The following ACOT11 variants were observed in gnomAD, a reference collection of about 807,000 sequenced individuals.
The protein encoded by ACOT11 is acyl-coenzyme A thioesterase 11.
ACOT11 carries 69 observed loss-of-function variants against 77.5 expected under a neutral mutation model. The ratio of observed to expected loss-of-function variants is 0.89; its 90% CI spans 0.73 to 1.09. The LOEUF is 1.09. ACOT11 is among the 50% of genes least tolerant of loss of function. The pLI, the probability that ACOT11 is intolerant of heterozygous loss-of-function variation, is 0.00. For synonymous variants in ACOT11, 279 were observed against 313.0 expected (o/e 0.89, Z 1.15); for missense variants, 766 against 813.7 (o/e 0.94, Z 0.71).
Position 54,607,911 on chromosome 1 carries a change from C to T in ACOT11, c.1503-31C>T, listed in dbSNP as rs1461813066. 3.1e-6 allele frequency: 5 copies of T among 1,613,144 alleles called. No homozygotes were observed. The highest frequency in any genetic ancestry group is 1.7e-4 in the Middle Eastern group (1 of 6,044). Reference sequence around the variant, plus strand: ...CCCCCACTTTCTTCTGTGGCTGACCCCTGTCCCCTTGCTACCCTTCCTTCA... The same window carrying T: ...CCCCCACTTTCTTCTGTGGCTGACCTCTGTCCCCTTGCTACCCTTCCTTCA... On this transcript the variant is annotated intron_variant, in intron 14 of 15. Coordinates refer to ENST00000343744, the MANE Select transcript of ACOT11 (RefSeq NM_147161.4). The surrounding 1 kb of genome is among the most constrained non-coding windows in gnomAD (Gnocchi z 4.5).
chr1:54,594,692 G>A lies in ACOT11; in HGVS notation c.607+1G>A. On this transcript the variant is annotated splice_donor_variant, in intron 6 of 15. Coordinates refer to ENST00000343744, the MANE Select transcript of ACOT11 (RefSeq NM_147161.4). LOFTEE classifies it high-confidence loss of function. ...CTGGCCAACTGCGCCATTCAGGGCG[G>A]TGAGCAGCTGCCAGCTGTGCATGGG... The A allele has an allele frequency of 6.2e-7, 1 of 1,608,628 alleles. No homozygotes were observed.
At chr1:54,624,642 G>A (rs532838652) in intron 15 of ACOT11, among the ~76,000 whole-genome samples, 10 of 152,248 alleles carry the variant, frequency 6.6e-5, no homozygotes, top group African/African-American at 2.4e-4. Context: ...GGGCGGTGAG[G>A]GGTGTCAATG....
At chr1:54,586,598 A>AT (rs1322813159) in intron 3 of ACOT11, among the ~76,000 whole-genome samples, 3 of 151,684 alleles carry the variant, frequency 2.0e-5, no homozygotes, top group Non-Finnish European at 4.4e-5. Context: ...GGCCCGGCTA[A>AT]TTTTTTTGTA....
chr1:54,581,846 A>C (rs1230159204), intron 1 of ACOT11, among the ~76,000 whole-genome samples: 1 of 152,146 alleles, frequency 6.6e-6, no homozygotes, highest in African/African-American at 2.4e-5. Flanking sequence ...TGGGCTGCAC[A>C]CACCCCTGCC....
chr1:54,557,099 A>AT (rs1013094207), intron 1 of ACOT11, among the ~76,000 whole-genome samples: 1 of 151,640 alleles, frequency 6.6e-6, no homozygotes, highest in Non-Finnish European at 1.5e-5. Flanking sequence ...ATTAAAAAAA[A>AT]TTTTTATACT....
chr1:54,606,231 G>A (rs1644024494), intron 13 of ACOT11, among the ~76,000 whole-genome samples: 1 of 152,190 alleles, frequency 6.6e-6, no homozygotes, highest in Non-Finnish European at 1.5e-5. Context: ...TGTAGGGGGA[G>A]GGCGGTTGTG....
In ACOT11 at chr1:54,594,576, G is replaced by A. The variant is rs138128439; in HGVS notation, c.492G>A (p.Thr164=). 23 of 1,613,712 alleles carry A rather than the reference G, an allele frequency of 1.4e-5. No homozygotes were observed. Among genetic ancestry groups the A allele is most frequent in the African/African-American group, 8.0e-5 (6 of 74,938 alleles). ...GACAGGTGAAGCTGAAGCAGATCACGCCGCGGACAGAAGAGGAGAAGATGG... is the reference window on the plus strand; with the variant it reads ...GACAGGTGAAGCTGAAGCAGATCACACCGCGGACAGAAGAGGAGAAGATGG... ...EITKVKLKQI[T]PRTEEEKMEH... Residue 164 remains threonine, a synonymous_variant, in exon 6 of 16, where the codon ACG becomes ACA. Transcript: ENST00000343744.
In ACOT11 at chr1:54,594,008, C is replaced by T; in HGVS notation, c.440C>T (p.Ala147Val). 1 of 1,614,086 alleles carries T rather than the reference C, an allele frequency of 6.2e-7. No individual in the cohort carries two copies. Among genetic ancestry groups the T allele is most frequent in the Non-Finnish European group, 8.5e-7 (1 of 1,179,972 alleles). ...EKQWNVCKALATFVARREITK... is the reference protein window; with the variant it reads ...EKQWNVCKALVTFVARREITK... ...CAGTGGAATGTGTGCAAGGCCTTGG[C>T]CACCTTCGTGGCCCGCCGAGAGATC... The change falls in exon 5 of 16, where the codon GCC becomes GTC. Residue 147 changes from alanine to valine, a missense_variant. By Grantham distance (64) the Ala-to-Val change is moderately conservative. Coordinates refer to ENST00000343744, the MANE Select transcript of ACOT11 (RefSeq NM_147161.4).
intron 3 of ACOT11, among the ~76,000 whole-genome samples, chr1:54,588,208 T>C (rs1654574660): frequency 6.6e-6 from 1 of 152,034 alleles, no homozygotes; most frequent in South Asian, 2.1e-4. Flanking sequence ...CGTCTCAGGA[T>C]AAATAAAAAA....
At chr1:54,548,421 T>C in intron 1 of ACOT11, 79 bp downstream of exon 1, 1 of 1,509,730 alleles carries the variant, frequency 6.6e-7, no homozygotes, top group South Asian at 1.3e-5. Flanking sequence ...CCATTTTAAC[T>C]CAGACGCTCT....
intron 16 of ACOT11, among the ~76,000 whole-genome samples, chr1:54,632,011 C>T (rs1337280781): frequency 1.3e-5 from 2 of 151,926 alleles, no homozygotes; most frequent in Non-Finnish European, 2.9e-5. Flanking sequence ...TACTCCATTT[C>T]CTGGAGCTTG....
intron 1 of ACOT11, among the ~76,000 whole-genome samples, chr1:54,552,434 C>G (rs988636875): frequency 1.5e-4 from 23 of 152,188 alleles, no homozygotes; most frequent in Admixed American, 1.2e-3. Flanking sequence ...TGTTCAGGAG[C>G]CATATGTGAA....
In ACOT11 at chr1:54,609,157, C is replaced by A; in HGVS notation, c.*45C>A. 1 of 1,612,574 alleles carries A rather than the reference C, an allele frequency of 6.2e-7. No homozygotes were observed. The highest frequency in any genetic ancestry group is 8.5e-7 in the Non-Finnish European group (1 of 1,179,240). ...CATGCCCACTCCCACTCCATCCTGTCCCCAAGGACTCACATACAGTGCCTG... is the reference window on the plus strand; with the variant it reads ...CATGCCCACTCCCACTCCATCCTGTACCCAAGGACTCACATACAGTGCCTG... On this transcript the variant is annotated 3_prime_UTR_variant, in exon 16 of 16. Transcript: ENST00000343744.
At chr1:54,602,598 C>G in intron 9 of ACOT11, 71 bp from the exon 10 acceptor site, 1 of 1,385,156 alleles carries the variant, frequency 7.2e-7, no homozygotes, top group Non-Finnish European at 9.5e-7. Flanking sequence ...ACTCCTTGGG[C>G]CCTGGGGGAT....
intron 1 of ACOT11, among the ~76,000 whole-genome samples, chr1:54,560,491 A>G (rs539132625): frequency 2.6e-5 from 4 of 152,304 alleles, no homozygotes; most frequent in African/African-American, 9.6e-5. Context: ...CAAATGATAT[A>G]TTAACTAATT....
chr1:54,590,595 C>G (rs1654676714), intron 3 of ACOT11, among the ~76,000 whole-genome samples: 1 of 152,092 alleles, frequency 6.6e-6, no homozygotes, highest in South Asian at 2.1e-4. Flanking sequence ...TTATTTTTAT[C>G]TGGGGGACCA....
chr1:54,599,297 C>A lies in ACOT11; in HGVS notation c.766C>A (p.Arg256=), dbSNP rs148238018. 37 of 1,561,616 alleles carry A rather than the reference C, an allele frequency of 2.4e-5. No individual in the cohort carries two copies. In the South Asian group the frequency reaches 4.4e-4, roughly 19 times the overall value. The stretch of plus-strand genomic sequence containing the variant: ...GTCTCCCCACCCCTGCCTCCTCAGC[C>A]GGCTCTGCCGTGCCCACCCTACGCT... The part of the protein sequence containing the change: ...MENVATIAAS[R]LCRAHPTLKA... Residue 256 remains arginine, a splice_region_variant and synonymous_variant, in exon 8 of 16, where the codon CGG becomes AGG. Transcript: ENST00000343744.
rs6676031 is a variant in ACOT11, at chr1:54,584,442, A to G, written c.34-213A>G. Among the ~76,000 whole-genome samples, 22,979 of 152,098 alleles carry G rather than the reference A, an allele frequency of 0.15. 3,179 individuals carry two copies. The highest frequency in any genetic ancestry group is 0.37 in the African/African-American group (15,333 of 41,432). Reference sequence around the variant, plus strand: ...CGTGTTCATGTGCAGTTCTTGGCCAAAAGGAAACTGGGCAGAAGCAGCAAT... The same window carrying G: ...CGTGTTCATGTGCAGTTCTTGGCCAGAAGGAAACTGGGCAGAAGCAGCAAT... On this transcript the variant is annotated intron_variant, in intron 1 of 15. Coordinates refer to ENST00000343744, the MANE Select transcript of ACOT11 (RefSeq NM_147161.4). This position sits in a 1 kb window ranked among gnomAD's most constrained non-coding sequence, Gnocchi z 6.3.
intron 1 of ACOT11, among the ~76,000 whole-genome samples, chr1:54,560,546 C>T (rs1569646758): frequency 6.6e-6 from 1 of 152,112 alleles, no homozygotes; most frequent in Non-Finnish European, 1.5e-5. Flanking sequence ...TTTGTTTTCT[C>T]GAGACAAGGT....
Sources: allele counts gnomAD v4.1 joint callset (sites outside exome capture counted in the v4.1 genomes callset), GRCh38; gene constraint gnomAD v4.1.1; non-coding constraint Gnocchi (gnomAD v3.1); transcripts MANE v1.5; gene names NCBI Gene and HGNC (gene_info 2026-07-23, HGNC 2026-07-21).